Variants in COL24A1 observed in about 807,000 individuals in gnomAD.
The protein encoded by COL24A1 is collagen alpha-1(XXIV) chain.
In COL24A1, 224 loss-of-function variants were observed where a neutral mutation model predicts 253.9. That is an observed-to-expected ratio of 0.88 (90% CI 0.79 to 0.99). The LOEUF (loss-of-function observed/expected upper bound fraction) is 0.99, where lower values mean the gene tolerates loss of function less well. Among genes scored for constraint, COL24A1 ranks in the 50% least tolerant of loss-of-function variants. COL24A1 has a pLI of 0.00. For missense variants in COL24A1, 2,131 were observed against 2,068.5 expected, an observed-to-expected ratio of 1.03 and a Z score of -0.59; for synonymous variants, 685 against 673.7, an observed-to-expected ratio of 1.02 and a Z score of -0.26.
intron 43 of COL24A1, among the ~76,000 whole-genome samples, chr1:85,824,378 T>C (rs1282815981): frequency 1.3e-5 from 2 of 152,212 alleles, no homozygotes; most frequent in Non-Finnish European, 2.9e-5. Flanking sequence ...AAGCCACCCA[T>C]TTTGTGGTAA....
chr1:85,908,080 G>T (rs1685013259), intron 27 of COL24A1, among the ~76,000 whole-genome samples: 1 of 151,688 alleles, frequency 6.6e-6, no homozygotes, highest in South Asian at 2.1e-4. Context: ...GGCCGATCTT[G>T]TTCATATTTT....
chr1:85,819,251 A>G (rs987029048), intron 45 of COL24A1, among the ~76,000 whole-genome samples: 3 of 151,614 alleles, frequency 2.0e-5, no homozygotes, highest in Admixed American at 2.0e-4. Context: ...CTATAAGTAA[A>G]ATATGTTTTT....
At chr1:86,018,113 T>C (rs191795802) in intron 18 of COL24A1, among the ~76,000 whole-genome samples, 1 of 152,344 alleles carries the variant, frequency 6.6e-6, no homozygotes, top group East Asian at 1.9e-4. Flanking sequence ...TAAGAAAAAC[T>C]ATTGCATTCA....
At chr1:85,887,335 C>T (rs901350414) in intron 32 of COL24A1, among the ~76,000 whole-genome samples, 2 of 152,060 alleles carry the variant, frequency 1.3e-5, no homozygotes, top group Admixed American at 6.5e-5. Context: ...CCATTCTCCT[C>T]TTATTGAAGG....
At chr1:86,046,586 T>C (rs184424748) in intron 12 of COL24A1, among the ~76,000 whole-genome samples, 6 of 152,170 alleles carry the variant, frequency 3.9e-5, no homozygotes, top group African/African-American at 4.8e-5. Flanking sequence ...GAGATAAGGG[T>C]TTTCCCACTG....
At chr1:85,853,063 G>A (rs528117481) in intron 37 of COL24A1, among the ~76,000 whole-genome samples, 4 of 152,254 alleles carry the variant, frequency 2.6e-5, no homozygotes, top group South Asian at 2.1e-4. Context: ...AGATAATTTT[G>A]TCACCTAGGT....
chr1:85,949,037 G>A (rs746122419), intron 24 of COL24A1, among the ~76,000 whole-genome samples: 116 of 151,968 alleles, frequency 7.6e-4, no homozygotes, highest in Admixed American at 9.8e-4. Context: ...TTTCAGTATC[G>A]GTTATCGTGA....
chr1:86,059,125 C>T lies in COL24A1; in HGVS notation c.1802G>A (p.Arg601Lys), dbSNP rs1571777479. Residue 601 changes from arginine to lysine, a missense_variant, in exon 9 of 60, where the codon AGG becomes AAG. Arg to Lys is a conservative substitution (Grantham distance 26). Transcript: ENST00000370571. ...GTCTAAATATAGTTACTGCACCTGC[C>T]TGCCAGGGTAACCGGGTGAACCAAT... is the stretch of plus-strand genomic sequence containing the variant. Reference protein sequence around the residue: ...GNIGSPGYPGRQGLAGPEGNP... With the variant: ...GNIGSPGYPGKQGLAGPEGNP... 1 of 1,608,790 alleles carries T rather than the reference C, an allele frequency of 6.2e-7. No homozygotes were observed. Among genetic ancestry groups the T allele is most frequent in the Non-Finnish European group, 8.5e-7 (1 of 1,176,908 alleles).
intron 12 of COL24A1, among the ~76,000 whole-genome samples, chr1:86,035,479 C>A (rs950508276): frequency 1.3e-5 from 2 of 151,942 alleles, no homozygotes; most frequent in African/African-American, 2.4e-5. Context: ...GTGTAGGGGA[C>A]ACACTGCATG....
intron 14 of COL24A1, among the ~76,000 whole-genome samples, chr1:86,027,535 G>A (rs1698150457): frequency 6.6e-6 from 1 of 152,230 alleles, no homozygotes; most frequent in Non-Finnish European, 1.5e-5. Context: ...TACACATGGT[G>A]TTGAGCCTGC....
intron 28 of COL24A1, among the ~76,000 whole-genome samples, chr1:85,897,264 G>C (rs1683839492): frequency 6.6e-6 from 1 of 152,108 alleles, no homozygotes; most frequent in African/African-American, 2.4e-5. Context: ...GGCCTCGGGG[G>C]AGGGAGTGTA....
rs116613844 is a variant in COL24A1 at position 86,125,276 on chromosome 1, G to A, written c.1060C>T (p.His354Tyr). ...TTCATTTTTGCCTCACTGATGCGATGAGTGGTCACTGACAGGCTGAAATTT... is the reference window on the plus strand; with the variant it reads ...TTCATTTTTGCCTCACTGATGCGATAAGTGGTCACTGACAGGCTGAAATTT... ...QTNFSLSVTTHRISEAKMNTK... is the reference protein window; with the variant it reads ...QTNFSLSVTTYRISEAKMNTK... Residue 354 changes from histidine to tyrosine, a missense_variant, in exon 3 of 60, where the codon CAT (histidine) becomes TAT (tyrosine). Physicochemically the swap from His to Tyr is moderately conservative, Grantham distance 83 (BLOSUM62 2). Transcript: ENST00000370571. 163 of 1,613,606 alleles carry A rather than the reference G, an allele frequency of 1.0e-4. No homozygotes were observed. In the African/African-American group the frequency reaches 2.0e-3, roughly 20 times the overall value.
At chr1:86,127,140 C>T (rs1298820949) in intron 2 of COL24A1, among the ~76,000 whole-genome samples, 1 of 152,038 alleles carries the variant, frequency 6.6e-6, no homozygotes, top group Non-Finnish European at 1.5e-5. Flanking sequence ...AATTTAAATT[C>T]ATTTTATTGG....
At chr1:86,135,457 G>C (rs963412357) in intron 2 of COL24A1, among the ~76,000 whole-genome samples, 8 of 151,818 alleles carry the variant, frequency 5.3e-5, no homozygotes, top group Admixed American at 3.3e-4. Flanking sequence ...CGTATTATGA[G>C]TATATTGAAT....
intron 7 of COL24A1, among the ~76,000 whole-genome samples, chr1:86,078,256 C>T (rs1458693458): frequency 1.3e-5 from 2 of 152,088 alleles, no homozygotes; most frequent in African/African-American, 4.8e-5. Flanking sequence ...AACACCCCTT[C>T]TTGGTAAAAA....
intron 19 of COL24A1, among the ~76,000 whole-genome samples, chr1:85,989,346 T>G (rs976632316): frequency 4.0e-5 from 6 of 151,822 alleles, no homozygotes; most frequent in African/African-American, 1.5e-4. Context: ...TTTGATATAC[T>G]CTGAATACTT....
chr1:86,065,588 G>C (rs1174278229), intron 7 of COL24A1, among the ~76,000 whole-genome samples: 2 of 151,992 alleles, frequency 1.3e-5, no homozygotes, highest in Non-Finnish European at 2.9e-5. Flanking sequence ...GACAATATAA[G>C]TCAGGCCAGT....
chr1:86,152,700 G>T (rs189001629), intron 1 of COL24A1, among the ~76,000 whole-genome samples: 1 of 152,266 alleles, frequency 6.6e-6, no homozygotes, highest in East Asian at 1.9e-4. Flanking sequence ...TAGGAGGGAA[G>T]AAAAATACAT....
intron 43 of COL24A1, among the ~76,000 whole-genome samples, chr1:85,824,238 T>C (rs1467922096): frequency 2.0e-5 from 3 of 152,278 alleles, no homozygotes; most frequent in African/African-American, 7.2e-5. Flanking sequence ...ATAGGAATGC[T>C]GACAGCCACT....
Sources: allele counts gnomAD v4.1 joint callset (sites outside exome capture counted in the v4.1 genomes callset), GRCh38; gene constraint gnomAD v4.1.1; transcripts MANE v1.5; gene names NCBI Gene and HGNC (gene_info 2026-07-23, HGNC 2026-07-21).